The following EEPD1 variants were observed in gnomAD, a reference collection of about 807,000 sequenced individuals.
EEPD1 encodes endonuclease/exonuclease/phosphatase family domain-containing protein 1.
Under a neutral mutation model 46.3 loss-of-function variants are expected in EEPD1, and 17 were observed. The ratio of observed to expected loss-of-function variants is 0.37; its 90% confidence interval spans 0.25 to 0.55. EEPD1 has a LOEUF of 0.55. Ranked by LOEUF, EEPD1 falls within the 20% of genes least tolerant of loss-of-function variation. The pLI, the probability that EEPD1 is intolerant of heterozygous loss-of-function variation, is 0.83. For missense variants in EEPD1, 673 were observed against 745.6 expected (o/e 0.90, Z 1.13); for synonymous variants, 313 against 315.6 (o/e 0.99, Z 0.09).
chr7:36,278,625 G>A (rs911333093), intron 3 of EEPD1, among the ~76,000 whole-genome samples: 1 of 152,180 alleles, frequency 6.6e-6, no homozygotes, highest in African/African-American at 2.4e-5. Context: ...CTGGGCACTG[G>A]AGAGCTGCTC....
At position 36,154,811 on chromosome 7, in the gene EEPD1, G is replaced by A; in HGVS notation, c.487G>A (p.Asp163Asn). 6.2e-7 allele frequency: 1 copy of A among 1,614,202 alleles called. No homozygotes were observed. The highest frequency in any genetic ancestry group is 8.5e-7 in the Non-Finnish European group (1 of 1,180,042). The change falls in exon 2 of 8, where the codon GAC (aspartate) becomes AAC (asparagine). Residue 163 changes from aspartate (D) to asparagine (N), a missense_variant. Transcript: ENST00000242108. This position sits in a 1 kb window ranked among gnomAD's most constrained non-coding sequence, Gnocchi z 4.2. The stretch of plus-strand genomic sequence containing the variant: ...GGAGAAAATGGCCCTCAGCATCGTG[G>A]ACTTCCGCCGTGAGCATGGGCCCTT... ...LSEKMALSIV[D>N]FRREHGPFRS...
chr7:36,183,438 C>T (rs1785308453), intron 2 of EEPD1, among the ~76,000 whole-genome samples: 2 of 152,156 alleles, frequency 1.3e-5, no homozygotes, highest in Non-Finnish European at 1.5e-5. Flanking sequence ...GCACGCCCGG[C>T]TTCTGTCACA....
intron 2 of EEPD1, among the ~76,000 whole-genome samples, chr7:36,209,802 T>C (rs1785892455): frequency 6.6e-6 from 1 of 152,174 alleles, no homozygotes; most frequent in African/African-American, 2.4e-5. Flanking sequence ...AATACAGATA[T>C]GGAAACTATC....
At chr7:36,155,224 G>A (rs1377123680) in intron 2 of EEPD1, 22 bp downstream of exon 2, 1 of 1,502,490 alleles carries the variant, frequency 6.7e-7, no homozygotes, top group East Asian at 2.3e-5. Flanking sequence ...AACCACCATG[G>A]GTGTTGGGTG....
intron 4 of EEPD1, among the ~76,000 whole-genome samples, 163 bp from the exon 5 acceptor site, chr7:36,284,523 G>A (rs1287528390): frequency 2.0e-5 from 3 of 152,208 alleles, no homozygotes; most frequent in Non-Finnish European, 2.9e-5. Flanking sequence ...CTGGGGAAGG[G>A]CAAGGGAGAG....
chr7:36,240,375 C>T (rs1786537017), intron 3 of EEPD1, among the ~76,000 whole-genome samples: 1 of 152,196 alleles, frequency 6.6e-6, no homozygotes. Flanking sequence ...AGAATGAGGT[C>T]TGAGCACTGC....
chr7:36,252,202 A>C (rs189900428), intron 3 of EEPD1, among the ~76,000 whole-genome samples: 11 of 152,356 alleles, frequency 7.2e-5, no homozygotes, highest in Middle Eastern at 6.8e-3. Context: ...GCAGAGGCCA[A>C]GGCAGGGCCT....
At chr7:36,285,367 T>A (rs541443828) in intron 5 of EEPD1, among the ~76,000 whole-genome samples, 2 of 151,242 alleles carry the variant, frequency 1.3e-5, no homozygotes, top group African/African-American at 4.9e-5. Flanking sequence ...TCTCAAGGGG[T>A]GGTTTGGGTT....
In EEPD1 at chr7:36,281,245, C is replaced by T; in HGVS notation, c.1041+20C>T. 6.2e-7 allele frequency: 1 copy of T among 1,604,680 alleles called. No homozygotes were observed. ...CAGAAGGTACCCTCGTCTGCAAAGC[C>T]TGGCCTTTCCCTTCATTTAATTTAT... On this transcript the variant is annotated intron_variant, in intron 4 of 7. Transcript: ENST00000242108.
intron 3 of EEPD1, among the ~76,000 whole-genome samples, chr7:36,258,009 C>T (rs1786854239): frequency 6.6e-6 from 1 of 152,092 alleles, no homozygotes; most frequent in Non-Finnish European, 1.5e-5. Context: ...ATGGGGTTTT[C>T]GTGTGGACAT....
Position 36,290,635 on chromosome 7 carries a change from G to A in EEPD1, c.1315+2858G>A, listed in dbSNP as rs138724165. 2.2e-4 allele frequency among the ~76,000 whole-genome samples: 34 copies of A among 152,274 alleles called. No individual in the cohort carries two copies. The East Asian group carries it at 6.6e-3, about 29-fold the overall frequency. ...AGTGGGGATATGCCAGTCCCCTAGT[G>A]GAACCTTCTTCCCTCAGACCTCACC... On this transcript the variant is annotated intron_variant, in intron 6 of 7. Coordinates refer to ENST00000242108, the MANE Select transcript of EEPD1 (RefSeq NM_030636.3).
chr7:36,179,185 C>G (rs1056059178), intron 2 of EEPD1, among the ~76,000 whole-genome samples: 4 of 152,158 alleles, frequency 2.6e-5, no homozygotes, highest in East Asian at 1.9e-4. Context: ...TTTACTACCC[C>G]CAGTGGTAAC....
At chr7:36,161,000 G>A (rs933374843) in intron 2 of EEPD1, among the ~76,000 whole-genome samples, 5 of 152,154 alleles carry the variant, frequency 3.3e-5, no homozygotes, top group African/African-American at 1.2e-4. Context: ...CCACAGCTGT[G>A]TCCTGGGTGT....
chr7:36,169,488 C>T (rs760381170), intron 2 of EEPD1, among the ~76,000 whole-genome samples: 2 of 152,092 alleles, frequency 1.3e-5, no homozygotes, highest in Non-Finnish European at 2.9e-5. Context: ...TAACTAATGA[C>T]GTTTAGCATC....
At chr7:36,212,229 C>G (rs1204713001) in intron 2 of EEPD1, among the ~76,000 whole-genome samples, 1 of 152,090 alleles carries the variant, frequency 6.6e-6, no homozygotes, top group African/African-American at 2.4e-5. Flanking sequence ...TATGAAGTAA[C>G]CCAGTGGGGA....
rs577225881 is a variant in EEPD1 at position 36,265,736 on chromosome 7, G to T, written c.931-15379G>T. ...TGGGTTAGGAAACCATCTCTCTCCT[G>T]TGTCTGTCTAACACATTCTTTCAGC... On this transcript the variant is annotated intron_variant, in intron 3 of 7. Coordinates refer to ENST00000242108, the MANE Select transcript of EEPD1 (RefSeq NM_030636.3). Among the ~76,000 whole-genome samples the T allele has an allele frequency of 3.9e-5, 6 of 152,214 alleles. No homozygotes were observed. The South Asian group carries it at 1.2e-3, about 32-fold the overall frequency.
At chr7:36,295,250 C>G (rs196607) in intron 6 of EEPD1, among the ~76,000 whole-genome samples, 4,561 of 151,928 alleles carry the variant, frequency 0.03, 89 homozygotes, top group Middle Eastern at 0.062. Context: ...AGGAAGTGCT[C>G]AAACAAGCAA....
intron 2 of EEPD1, among the ~76,000 whole-genome samples, chr7:36,231,551 T>G (rs562292150): frequency 6.6e-6 from 1 of 151,710 alleles, no homozygotes; most frequent in South Asian, 2.1e-4. Context: ...CCCAGGAGAG[T>G]CTCAGGAAGA....
intron 2 of EEPD1, among the ~76,000 whole-genome samples, chr7:36,233,901 T>G (rs1786380687): frequency 6.6e-6 from 1 of 152,050 alleles, no homozygotes; most frequent in South Asian, 2.1e-4. Context: ...TGTTTTTTGG[T>G]GGGTTTTTTG....
Sources: allele counts gnomAD v4.1 joint callset (sites outside exome capture counted in the v4.1 genomes callset), GRCh38; gene constraint gnomAD v4.1.1; non-coding constraint Gnocchi (gnomAD v3.1); transcripts MANE v1.5; gene names NCBI Gene and HGNC (gene_info 2026-07-23, HGNC 2026-07-21).